The following SPAG16 variants were observed in gnomAD, a reference collection of about 807,000 sequenced individuals.
The protein encoded by SPAG16 is sperm-associated antigen 16 protein.
Under a neutral mutation model 80.4 loss-of-function variants are expected in SPAG16, and 86 were observed. That is an observed-to-expected ratio of 1.07 (90% CI 0.90 to 1.28). The LOEUF (loss-of-function observed/expected upper bound fraction) is 1.28. Ranked by LOEUF, SPAG16 falls within the 50% of genes most tolerant of loss-of-function variation. SPAG16 has a pLI of 0.00. For synonymous variants in SPAG16, 294 were observed against 265.9 expected (o/e 1.11, Z -1.03); for missense variants, 870 against 765.3 (o/e 1.14, Z -1.61).
chr2:214,045,080 G>GA (rs2049239913), intron 13 of SPAG16, among the ~76,000 whole-genome samples: 1 of 152,170 alleles, frequency 6.6e-6, no homozygotes, highest in African/African-American at 2.4e-5. Context: ...GAGTGCTTAT[G>GA]CAGCCCCTCC....
At chr2:214,156,790 T>A (rs1311689313) in intron 15 of SPAG16, among the ~76,000 whole-genome samples, 1 of 152,066 alleles carries the variant, frequency 6.6e-6, no homozygotes, top group African/African-American at 2.4e-5. Context: ...TGAGACCTTG[T>A]CTCTAAAAAA....
At chr2:214,031,113 G>T (rs999671025) in intron 13 of SPAG16, among the ~76,000 whole-genome samples, 1 of 152,066 alleles carries the variant, frequency 6.6e-6, no homozygotes, top group Non-Finnish European at 1.5e-5. Flanking sequence ...GTGATGTACA[G>T]ATGGGTTTTT....
chr2:214,068,458 C>T lies in SPAG16; in HGVS notation c.1528-39738C>T, dbSNP rs16851380. On this transcript the variant is annotated intron_variant, in intron 13 of 15. Coordinates refer to ENST00000331683, the MANE Select transcript of SPAG16 (RefSeq NM_024532.5). ...CCAAGTTTTATCAGTAACCATGGTT[C>T]CCACATAGTACTCATGGAGGTGGCC... is the stretch of plus-strand genomic sequence containing the variant. Among the ~76,000 whole-genome samples the T allele has an allele frequency of 3.7e-3, 569 of 152,150 alleles. 4 individuals carry two copies. The highest frequency in any genetic ancestry group is 0.013 in the African/African-American group (545 of 41,530).
intron 10 of SPAG16, among the ~76,000 whole-genome samples, chr2:213,532,123 G>T (rs1041486498): frequency 3.3e-5 from 5 of 152,050 alleles, no homozygotes; most frequent in African/African-American, 1.2e-4. Context: ...TATATATGAA[G>T]TTTAGAGGAC....
At chr2:214,373,104 G>A (rs1364042992) in intron 15 of SPAG16, among the ~76,000 whole-genome samples, 1 of 152,140 alleles carries the variant, frequency 6.6e-6, no homozygotes, top group Non-Finnish European at 1.5e-5. Flanking sequence ...AAATCCTGGT[G>A]AGGTTAAATA....
intron 13 of SPAG16, among the ~76,000 whole-genome samples, chr2:214,046,618 C>G (rs1000391059): frequency 6.6e-5 from 10 of 152,106 alleles, no homozygotes; most frequent in Non-Finnish European, 1.3e-4. Context: ...AGCTTTTCCT[C>G]TAAGATGAGG....
chr2:213,825,006 G>C (rs944231554), intron 10 of SPAG16, among the ~76,000 whole-genome samples: 1 of 151,198 alleles, frequency 6.6e-6, no homozygotes, highest in African/African-American at 2.4e-5. Flanking sequence ...TTACTTTCTT[G>C]ATTTTTTTTT....
intron 12 of SPAG16, among the ~76,000 whole-genome samples, chr2:213,974,812 C>G (rs759905036): frequency 1.3e-5 from 2 of 151,794 alleles, no homozygotes; most frequent in African/African-American, 2.4e-5. Flanking sequence ...ACTTGGCTTG[C>G]CACATAACCA....
At chr2:213,532,744 AGCCATC>A (rs1700023383) in intron 10 of SPAG16, among the ~76,000 whole-genome samples, 2 of 151,886 alleles carry the variant, frequency 1.3e-5, no homozygotes, top group Admixed American at 6.6e-5. Flanking sequence ...TACAGGCATG[AGCCATC>A]GCACTCAGCT....
intron 10 of SPAG16, among the ~76,000 whole-genome samples, chr2:213,647,767 A>G (rs565216475): frequency 1.3e-5 from 2 of 152,286 alleles, no homozygotes; most frequent in South Asian, 4.1e-4. Context: ...AATCTAAACC[A>G]TGGACCCTAT....
At chr2:214,045,260 C>T (rs1299046321) in intron 13 of SPAG16, among the ~76,000 whole-genome samples, 4 of 152,096 alleles carry the variant, frequency 2.6e-5, no homozygotes, top group African/African-American at 9.7e-5. Flanking sequence ...GGCCCTAGCT[C>T]CTGGATGACG....
chr2:214,187,882 G>C (rs146648663), intron 15 of SPAG16, among the ~76,000 whole-genome samples: 14 of 151,860 alleles, frequency 9.2e-5, no homozygotes, highest in African/African-American at 3.4e-4. Context: ...GTAGTACTTT[G>C]AGCTATTCTC....
chr2:213,961,217 A>G (rs553261316), intron 12 of SPAG16, among the ~76,000 whole-genome samples: 20 of 152,252 alleles, frequency 1.3e-4, no homozygotes, highest in African/African-American at 4.1e-4. Flanking sequence ...CATCTCTCCA[A>G]AATTTTCTCT....
At chr2:214,344,586 A>C (rs1170374220) in intron 15 of SPAG16, among the ~76,000 whole-genome samples, 6 of 152,190 alleles carry the variant, frequency 3.9e-5, no homozygotes, top group Non-Finnish European at 8.8e-5. Context: ...AATCAGGGTC[A>C]AACTTGGAAT....
chr2:214,323,321 AATATATAT>A (rs10564214), intron 15 of SPAG16, among the ~76,000 whole-genome samples: 2 of 149,830 alleles, frequency 1.3e-5, no homozygotes, highest in African/African-American at 2.4e-5. Flanking sequence ...TGTGAGATTA[AATATATAT>A]ATATATTTAT....
chr2:213,467,792 T>A (rs1308539143), intron 9 of SPAG16, among the ~76,000 whole-genome samples: 1 of 152,188 alleles, frequency 6.6e-6, no homozygotes, highest in African/African-American at 2.4e-5. Context: ...CACCCTCCAA[T>A]GGTTCCCTCC....
At chr2:213,764,890 A>C (rs1298992839) in intron 10 of SPAG16, among the ~76,000 whole-genome samples, 3 of 152,248 alleles carry the variant, frequency 2.0e-5, no homozygotes, top group Admixed American at 1.3e-4. Context: ...CATTATGAGA[A>C]GGATATTTTA....
chr2:213,921,718 C>T (rs937409080), intron 11 of SPAG16, among the ~76,000 whole-genome samples: 6 of 152,182 alleles, frequency 3.9e-5, no homozygotes, highest in Non-Finnish European at 8.8e-5. Context: ...ACTTGTAAGG[C>T]AGTTCTGGTG....
intron 12 of SPAG16, among the ~76,000 whole-genome samples, chr2:213,995,705 T>C (rs1293919265): frequency 2.0e-5 from 3 of 152,216 alleles, no homozygotes; most frequent in South Asian, 2.1e-4. Context: ...ATCTGCCCAC[T>C]GCTGAAATAA....
Sources: gnomAD v4.1 joint callset for allele counts (sites outside exome capture counted in the v4.1 genomes callset) on GRCh38, gnomAD v4.1.1 for gene constraint, MANE v1.5 for transcripts, NCBI Gene and HGNC (gene_info 2026-07-23, HGNC 2026-07-21) for gene names.